Variants in RIMS1 observed in about 807,000 individuals in gnomAD.
The protein encoded by RIMS1 is regulating synaptic membrane exocytosis protein 1.
RIMS1 carries 83 observed loss-of-function variants against 214.1 expected under a neutral mutation model. That is an observed-to-expected ratio of 0.39 (90% confidence interval 0.32 to 0.47). The LOEUF is 0.47. Ranked by LOEUF, RIMS1 falls within the 20% of genes least tolerant of loss-of-function variation. The pLI is 0.99. For synonymous variants in RIMS1, 793 were observed against 786.8 expected, an observed-to-expected ratio of 1.01 and a Z score of -0.13; for missense variants, 2,050 against 2,161.8, an observed-to-expected ratio of 0.95 and a Z score of 1.03.
At chr6:72,215,861 A>G (rs902432450) in intron 6 of RIMS1, among the ~76,000 whole-genome samples, 8 of 152,216 alleles carry the variant, frequency 5.3e-5, no homozygotes, top group African/African-American at 1.9e-4. Flanking sequence ...GAGATGATCC[A>G]TGGCTCAGTT....
In RIMS1 at chr6:72,290,109, C is replaced by G. The variant is rs534395143; in HGVS notation, c.3555-570C>G. ...AGATGTATAATTAATGGAGCATTCTCCACCTTATATTGTTTTAATTTTTGT... is the reference window on the plus strand; with the variant it reads ...AGATGTATAATTAATGGAGCATTCTGCACCTTATATTGTTTTAATTTTTGT... On this transcript the variant is annotated intron_variant, in intron 24 of 33. Transcript: ENST00000521978. 2.6e-4 allele frequency among the ~76,000 whole-genome samples: 40 copies of G among 152,236 alleles called. No homozygotes were observed. The South Asian group carries it at 7.0e-3, about 27-fold the overall frequency.
At chr6:71,943,615 T>A (rs1786883573) in intron 1 of RIMS1, among the ~76,000 whole-genome samples, 1 of 152,168 alleles carries the variant, frequency 6.6e-6, no homozygotes, top group African/African-American at 2.4e-5. Context: ...CGGCTGTTAG[T>A]GTGAATGCAG....
rs796197827 is a variant in RIMS1 at position 72,277,359 on chromosome 6, A to G, written c.3482+2927A>G. 1.4e-3 allele frequency among the ~76,000 whole-genome samples: 212 copies of G among 152,292 alleles called. 2 individuals carry two copies. The highest frequency in any genetic ancestry group is 4.6e-3 in the African/African-American group (192 of 41,582). ...CACTTTGGGAGGCCGAGGCGGGCGG[A>G]TCATGAGGTCAGGAGATCGAGACCA... On this transcript the variant is annotated intron_variant, in intron 23 of 33. Coordinates refer to ENST00000521978, the MANE Select transcript of RIMS1 (RefSeq NM_014989.7).
chr6:71,962,058 C>T (rs1043907829), intron 1 of RIMS1, among the ~76,000 whole-genome samples: 4 of 152,052 alleles, frequency 2.6e-5, no homozygotes, highest in Admixed American at 1.3e-4. Flanking sequence ...GTTAATTGGA[C>T]ATGTTGCCAA....
intron 4 of RIMS1, among the ~76,000 whole-genome samples, chr6:72,166,083 C>T (rs920782233): frequency 1.2e-4 from 18 of 152,236 alleles, no homozygotes; most frequent in African/African-American, 4.3e-4. Flanking sequence ...TAACAAGGTG[C>T]CAACAGGGTT....
intron 2 of RIMS1, among the ~76,000 whole-genome samples, chr6:72,096,194 A>G (rs2031596057): frequency 2.0e-5 from 3 of 152,230 alleles, no homozygotes; most frequent in Non-Finnish European, 4.4e-5. Context: ...AGCTTCATAC[A>G]TATTACCTGG....
At chr6:72,174,557 A>G (rs2047458243) in intron 4 of RIMS1, among the ~76,000 whole-genome samples, 1 of 152,192 alleles carries the variant, frequency 6.6e-6, no homozygotes, top group Non-Finnish European at 1.5e-5. Context: ...AGTTTGATCA[A>G]CACACTTTTC....
chr6:72,383,038 C>A (rs1040261418), intron 29 of RIMS1, among the ~76,000 whole-genome samples: 4 of 152,134 alleles, frequency 2.6e-5, no homozygotes, highest in African/African-American at 9.7e-5. Flanking sequence ...TCTTGAGGAA[C>A]TGAAACAAAG....
At chr6:72,138,645 C>G (rs936068063) in intron 4 of RIMS1, among the ~76,000 whole-genome samples, 1 of 151,884 alleles carries the variant, frequency 6.6e-6, no homozygotes, top group African/African-American at 2.4e-5. Flanking sequence ...AATAGACACT[C>G]TTAAATAAAA....
intron 2 of RIMS1, among the ~76,000 whole-genome samples, chr6:72,016,925 T>C (rs527279381): frequency 1.3e-5 from 2 of 152,344 alleles, no homozygotes; most frequent in East Asian, 3.9e-4. Context: ...GCAATTCTTA[T>C]ACAGTGGGAA....
chr6:72,336,897 G>T (rs1206055136), intron 29 of RIMS1, among the ~76,000 whole-genome samples: 1 of 151,610 alleles, frequency 6.6e-6, no homozygotes, highest in Non-Finnish European at 1.5e-5. Context: ...ACAAAATTCA[G>T]AATTATTCTA....
Position 71,886,844 on chromosome 6 carries a change from A to G in RIMS1, c.-180A>G. 1.5e-6 allele frequency: 1 copy of G among 658,326 alleles called. No homozygotes were observed. The highest frequency in any genetic ancestry group is 1.9e-5 in the South Asian group (1 of 53,354). The allele number at this position is 658,326 out of a possible 1,614,324, so 40.8% of individuals were successfully genotyped here. On this transcript the variant is annotated 5_prime_UTR_variant, in exon 1 of 34. Transcript: ENST00000521978. Reference sequence around the variant, plus strand: ...GGGTGGATGCAAACAACCATGAAAGACTGGGTTCTCGCTCTCCCCGGCTCT... The same window carrying G: ...GGGTGGATGCAAACAACCATGAAAGGCTGGGTTCTCGCTCTCCCCGGCTCT...
At chr6:72,260,970 A>G (rs1252334031) in intron 19 of RIMS1, 8 of 1,353,096 alleles carry the variant, frequency 5.9e-6, no homozygotes, top group Non-Finnish European at 5.7e-6. Flanking sequence ...CTGCTTTGCC[A>G]TCTGTAGATT....
At chr6:72,342,695 T>C (rs1185724344) in intron 29 of RIMS1, among the ~76,000 whole-genome samples, 1 of 151,510 alleles carries the variant, frequency 6.6e-6, no homozygotes, top group East Asian at 1.9e-4. Context: ...CTGATCATTT[T>C]TCCAGGTGAA....
At chr6:71,891,297 A>AT (rs537177952) in intron 1 of RIMS1, among the ~76,000 whole-genome samples, 12 of 152,310 alleles carry the variant, frequency 7.9e-5, no homozygotes, top group African/African-American at 2.6e-4. Context: ...ATGAAGTTTC[A>AT]TTTTTTTCCT....
chr6:72,090,856 T>C (rs936169853), intron 2 of RIMS1, among the ~76,000 whole-genome samples: 1 of 152,204 alleles, frequency 6.6e-6, no homozygotes, highest in Admixed American at 6.5e-5. Context: ...TTTCAGTCAT[T>C]ATTAGGGCTC....
chr6:72,261,770 G>T (rs1374789150), intron 19 of RIMS1: 11 of 985,104 alleles, frequency 1.1e-5, no homozygotes, highest in African/African-American at 1.7e-5. Flanking sequence ...AATAAAAATT[G>T]TTTGAACTTT....
At chr6:71,897,625 A>G (rs1772222511) in intron 1 of RIMS1, among the ~76,000 whole-genome samples, 1 of 152,146 alleles carries the variant, frequency 6.6e-6, no homozygotes, top group Admixed American at 6.6e-5. Flanking sequence ...CAGACTTCTC[A>G]AATAGATTTT....
At chr6:72,213,186 G>C (rs181193740) in intron 6 of RIMS1, 9 of 1,536,490 alleles carry the variant, frequency 5.9e-6, no homozygotes, top group Non-Finnish European at 7.8e-6. Context: ...TGTTGATTCC[G>C]AAGAGGGAAC....
Sources: allele counts gnomAD v4.1 joint callset (sites outside exome capture counted in the v4.1 genomes callset), GRCh38; gene constraint gnomAD v4.1.1; transcripts MANE v1.5; gene names NCBI Gene and HGNC (gene_info 2026-07-23, HGNC 2026-07-21).